The following PARD3B variants were observed in gnomAD, a reference collection of about 807,000 sequenced individuals.
PARD3B encodes partitioning defective 3 homolog B.
PARD3B carries 103 observed loss-of-function variants against 130.2 expected under a neutral mutation model. That is an observed-to-expected ratio of 0.79 (90% confidence interval 0.67 to 0.93). The LOEUF (loss-of-function observed/expected upper bound fraction) is 0.93, where lower values mean the gene tolerates loss of function less well. Among genes scored for constraint, PARD3B ranks in the 40% least tolerant of loss-of-function variants. The pLI is 0.00. For synonymous variants in PARD3B, 583 were observed against 553.2 expected, an observed-to-expected ratio of 1.05 and a Z score of -0.76; for missense variants, 1,609 against 1,499.2, an observed-to-expected ratio of 1.07 and a Z score of -1.21.
At chr2:204,960,599 A>C (rs111835825) in intron 2 of PARD3B, among the ~76,000 whole-genome samples, 4 of 152,304 alleles carry the variant, frequency 2.6e-5, no homozygotes, top group African/African-American at 9.6e-5. Flanking sequence ...ACATGTGAAA[A>C]ATCTAGGTGT....
In PARD3B at chr2:205,500,038, G is replaced by A. The variant is rs377518207; in HGVS notation, c.3180+7G>A. The A allele has an allele frequency of 7.1e-5, 115 of 1,610,740 alleles. No individual in the cohort carries two copies. Among genetic ancestry groups the A allele is most frequent in the African/African-American group, 3.5e-4 (26 of 74,854 alleles). Reference sequence around the variant, plus strand: ...TGAGTATGACCTACTCTGGGTAAGCGCATGCATGATTTCAATCGTTGAATT... The same window carrying A: ...TGAGTATGACCTACTCTGGGTAAGCACATGCATGATTTCAATCGTTGAATT... On this transcript the variant is annotated splice_region_variant and intron_variant, in intron 21 of 22. Transcript: ENST00000406610.
At chr2:204,619,880 G>C (rs2125126405) in intron 1 of PARD3B, among the ~76,000 whole-genome samples, 1 of 152,290 alleles carries the variant, frequency 6.6e-6, no homozygotes. Flanking sequence ...TGAGCACACT[G>C]GGTACTCCGT....
chr2:204,760,545 A>T (rs1456556143), intron 2 of PARD3B, among the ~76,000 whole-genome samples: 1 of 152,042 alleles, frequency 6.6e-6, no homozygotes, highest in Admixed American at 6.6e-5. Flanking sequence ...CTTTTAATAT[A>T]TTGAAACTGT....
rs1333707264 is a variant in PARD3B, at chr2:205,461,109, A to G, written c.3044+20437A>G. On this transcript the variant is annotated intron_variant, in intron 20 of 22. Transcript: ENST00000406610. This position sits in a 1 kb window ranked among gnomAD's most constrained non-coding sequence, Gnocchi z 4.3. ...TTAAGACCTACAGGAGGAGACAAATATTAAATGTGTAGTTATAAGTAGAGT... is the reference window on the plus strand; with the variant it reads ...TTAAGACCTACAGGAGGAGACAAATGTTAAATGTGTAGTTATAAGTAGAGT... Among the ~76,000 whole-genome samples the G allele has an allele frequency of 6.6e-6, 1 of 152,194 alleles. No individual in the cohort carries two copies. Among genetic ancestry groups the G allele is most frequent in the Non-Finnish European group, 1.5e-5 (1 of 68,028 alleles).
At position 205,011,118 on chromosome 2, in the gene PARD3B, T is replaced by C. The variant is rs1695676046; in HGVS notation, c.395-36463T>C. Among the ~76,000 whole-genome samples the C allele has an allele frequency of 6.6e-6, 1 of 152,220 alleles. No individual in the cohort carries two copies. The highest frequency in any genetic ancestry group is 2.4e-5 in the African/African-American group (1 of 41,464). On this transcript the variant is annotated intron_variant, in intron 3 of 22. Transcript: ENST00000406610. The surrounding 1 kb of genome is among the most constrained non-coding windows in gnomAD (Gnocchi z 4.1). ...GGATAGAGATCCTGCCTATTCACTC[T>C]TGGCTGGTAGATGTTGTTATCCACT...
At chr2:204,656,630 A>G (rs1407460420) in intron 1 of PARD3B, among the ~76,000 whole-genome samples, 1 of 152,122 alleles carries the variant, frequency 6.6e-6, no homozygotes, top group Non-Finnish European at 1.5e-5. Context: ...TCCTCTTTTC[A>G]TGGTACTCTT....
intron 2 of PARD3B, among the ~76,000 whole-genome samples, chr2:204,948,103 A>G (rs950258647): frequency 6.6e-6 from 1 of 152,130 alleles, no homozygotes; most frequent in Non-Finnish European, 1.5e-5. Flanking sequence ...ATGTGTTGGT[A>G]TGTGTTGATT....
chr2:204,992,161 G>A (rs1220669871), intron 3 of PARD3B, among the ~76,000 whole-genome samples: 1 of 150,496 alleles, frequency 6.6e-6, no homozygotes, highest in East Asian at 1.9e-4. Flanking sequence ...CCACGCCTAT[G>A]TCCTGAATGG....
intron 20 of PARD3B, among the ~76,000 whole-genome samples, chr2:205,447,673 G>T (rs1036897259): frequency 6.6e-6 from 1 of 152,166 alleles, no homozygotes; most frequent in Non-Finnish European, 1.5e-5. Context: ...CACCGCACCC[G>T]GCTGATTTAA....
At chr2:204,571,354 G>A (rs2031996315) in intron 1 of PARD3B, among the ~76,000 whole-genome samples, 1 of 152,174 alleles carries the variant, frequency 6.6e-6, no homozygotes, top group Non-Finnish European at 1.5e-5. Flanking sequence ...GTGTTTTCTA[G>A]TGTCTTATTT....
intron 18 of PARD3B, among the ~76,000 whole-genome samples, chr2:205,314,111 A>G (rs1001141124): frequency 1.3e-5 from 2 of 152,182 alleles, no homozygotes; most frequent in Non-Finnish European, 2.9e-5. Context: ...TTTACTTAAT[A>G]CTATTAGATA....
chr2:204,790,661 G>A (rs2042169146), intron 2 of PARD3B, among the ~76,000 whole-genome samples: 1 of 152,186 alleles, frequency 6.6e-6, no homozygotes, highest in South Asian at 2.1e-4. Flanking sequence ...CTCTGAAATA[G>A]CCAATTACTA....
intron 18 of PARD3B, among the ~76,000 whole-genome samples, chr2:205,343,116 A>G (rs1291179950): frequency 6.6e-6 from 1 of 152,202 alleles, no homozygotes; most frequent in Non-Finnish European, 1.5e-5. Context: ...TATCCTCATT[A>G]TGACTAAGGT....
chr2:205,551,920 T>G (rs2052663151), intron 21 of PARD3B, among the ~76,000 whole-genome samples: 2 of 152,146 alleles, frequency 1.3e-5, no homozygotes. Context: ...TCCATGCCCA[T>G]GTGTGAGGGA....
chr2:205,254,976 T>C (rs1006990844), intron 16 of PARD3B, among the ~76,000 whole-genome samples: 4 of 152,064 alleles, frequency 2.6e-5, no homozygotes, highest in African/African-American at 9.7e-5. Context: ...AGTTCAGTAT[T>C]ATTAACCAGT....
At chr2:204,735,785 C>A (rs1330541994) in intron 2 of PARD3B, among the ~76,000 whole-genome samples, 2 of 152,210 alleles carry the variant, frequency 1.3e-5, no homozygotes, top group East Asian at 1.9e-4. Context: ...ATAGGGGAAG[C>A]ATGGTGTGTT....
chr2:204,991,795 A>T (rs376656026), intron 3 of PARD3B, among the ~76,000 whole-genome samples: 3,559 of 150,880 alleles, frequency 0.024, 69 homozygotes, highest in African/African-American at 0.043. Context: ...GGTATCTCAT[A>T]GTGGTTTTGA....
At chr2:205,522,591 A>ATTCTGAGTGCCTATAGTATTAT (rs1416374153) in intron 21 of PARD3B, among the ~76,000 whole-genome samples, 1 of 46,384 alleles carries the variant, frequency 2.2e-5, no homozygotes, top group Admixed American at 2.8e-4. Flanking sequence ...ATAGTATTAT[A>ATTCTGAGTGCCTATAGTATTAT]ATTCCAGGCA....
chr2:204,616,208 T>A (rs891365837), intron 1 of PARD3B, among the ~76,000 whole-genome samples: 1 of 152,136 alleles, frequency 6.6e-6, no homozygotes, highest in African/African-American at 2.4e-5. Flanking sequence ...GAAGAACATA[T>A]TTGCAAAAGG....
Sources: allele counts gnomAD v4.1 joint callset (sites outside exome capture counted in the v4.1 genomes callset), GRCh38; gene constraint gnomAD v4.1.1; non-coding constraint Gnocchi (gnomAD v3.1); transcripts MANE v1.5; gene names NCBI Gene and HGNC (gene_info 2026-07-23, HGNC 2026-07-21).